Variants in RP1L1 observed in about 807,000 individuals in gnomAD.
RP1L1 encodes retinitis pigmentosa 1-like 1 protein.
Under a neutral mutation model 15.7 loss-of-function variants are expected in RP1L1, and 27 were observed. The observed-to-expected ratio is 1.72, with a 90% confidence interval of 1.27 to 2.38. RP1L1 has a LOEUF of 2.38. RP1L1 is among the 30% of genes most tolerant of loss of function. RP1L1 has a pLI of 0.00. For missense variants in RP1L1, 4,798 were observed against 3,075.9 expected (o/e 1.56, Z -13.24); for synonymous variants, 1,813 against 1,276.7 (o/e 1.42, Z -8.96).
chr8:10,629,000 G>A (rs1798199977), intron 1 of RP1L1, among the ~76,000 whole-genome samples: 1 of 152,250 alleles, frequency 6.6e-6, no homozygotes, highest in Non-Finnish European at 1.5e-5. Flanking sequence ...CAGGAAGTGG[G>A]TCTGGTGCAC....
At position 10,622,815 on chromosome 8, in the gene RP1L1, C is replaced by G. The variant is rs572144035; in HGVS notation, c.387G>C (p.Leu129Phe). Reference protein sequence around the residue: ...PQERNPTAQQLRDVEGQREAP... With the variant: ...PQERNPTAQQFRDVEGQREAP... Reference sequence around the variant, plus strand: ...CTTCACGCTGGCCTTCGACATCCCGCAACTGCTGAGCAGTGGGGTTTCTCT... The same window carrying G: ...CTTCACGCTGGCCTTCGACATCCCGGAACTGCTGAGCAGTGGGGTTTCTCT... The change falls in exon 2 of 4, where the codon TTG becomes TTC. Residue 129 changes from leucine to phenylalanine, a missense_variant. Leu to Phe is a conservative substitution (Grantham distance 22). Transcript: ENST00000382483. 13 of 1,613,696 alleles carry G rather than the reference C, an allele frequency of 8.1e-6. No individual in the cohort carries two copies. In the Admixed American group the frequency reaches 2.2e-4, roughly 27 times the overall value.
At chr8:10,619,314 T>G (rs1371332671) in intron 2 of RP1L1, among the ~76,000 whole-genome samples, 1 of 152,258 alleles carries the variant, frequency 6.6e-6, no homozygotes, top group Middle Eastern at 3.2e-3. Flanking sequence ...ATCTTCCTTT[T>G]GTTCCTGACT....
chr8:10,627,314 G>A (rs1243568022), intron 1 of RP1L1, among the ~76,000 whole-genome samples: 1 of 152,152 alleles, frequency 6.6e-6, no homozygotes, highest in African/African-American at 2.4e-5. Context: ...AAAAAGGTAG[G>A]AAAATCTGGC....
intron 1 of RP1L1, among the ~76,000 whole-genome samples, chr8:10,629,573 G>C (rs1472298756): frequency 6.6e-6 from 1 of 152,130 alleles, no homozygotes; most frequent in Non-Finnish European, 1.5e-5. Flanking sequence ...AAGGCAGCTT[G>C]GGCTACTGTG....
In RP1L1 at chr8:10,611,594, T is replaced by G. The variant is rs907084479; in HGVS notation, c.2504A>C (p.Gln835Pro). 1 of 1,611,718 alleles carries G rather than the reference T, an allele frequency of 6.2e-7. No individual in the cohort carries two copies. The highest frequency in any genetic ancestry group is 8.5e-7 in the Non-Finnish European group (1 of 1,179,348). ...AGGGGAGGGTCCCCGCTGGGCCTCT[T>G]GGGCCGGCTGCGTCCCAGGCTGTGA... ...CCSQPGTQPA[Q>P]EAQRGPSPEA... is the part of the protein sequence containing the mutation. Residue 835 changes from glutamine (Q) to proline (P), a missense_variant, in exon 4 of 4, where the codon CAA (glutamine) becomes CCA (proline). By Grantham distance (76) the Gln-to-Pro change is moderately conservative. Coordinates refer to ENST00000382483, the MANE Select transcript of RP1L1 (RefSeq NM_178857.6).
At chr8:10,633,366 G>C (rs1392731805) in intron 1 of RP1L1, among the ~76,000 whole-genome samples, 1 of 152,148 alleles carries the variant, frequency 6.6e-6, no homozygotes, top group Non-Finnish European at 1.5e-5. Context: ...ACCCAGAAAG[G>C]CCAGACCCTT....
chr8:10,635,673 G>A (rs1246044655), intron 1 of RP1L1, among the ~76,000 whole-genome samples: 1 of 152,222 alleles, frequency 6.6e-6, no homozygotes, highest in Non-Finnish European at 1.5e-5. Context: ...CTTCCCTCGT[G>A]ACACAGAGCT....
intron 1 of RP1L1, among the ~76,000 whole-genome samples, chr8:10,643,416 T>C (rs931806062): frequency 3.3e-5 from 5 of 152,152 alleles, no homozygotes; most frequent in African/African-American, 1.2e-4. Flanking sequence ...TGGTACACAG[T>C]CGGTCTCAGT....
chr8:10,628,616 G>A (rs1292211051), intron 1 of RP1L1, among the ~76,000 whole-genome samples: 2 of 152,084 alleles, frequency 1.3e-5, no homozygotes, highest in South Asian at 4.1e-4. Flanking sequence ...GAGCCCCGGT[G>A]GTATGACTTC....
chr8:10,630,120 C>T (rs549338792), intron 1 of RP1L1, among the ~76,000 whole-genome samples: 3 of 152,340 alleles, frequency 2.0e-5, no homozygotes, highest in South Asian at 4.1e-4. Context: ...TGGGCAAAGG[C>T]CCTCTGTCCC....
Position 10,611,505 on chromosome 8 carries a change from T to A in RP1L1, c.2593A>T (p.Arg865Trp), listed in dbSNP as rs753794124. 6 of 1,576,984 alleles carry A rather than the reference T, an allele frequency of 3.8e-6. No homozygotes were observed. Among genetic ancestry groups the A allele is most frequent in the Non-Finnish European group, 8.6e-7 (1 of 1,163,266 alleles). Reference protein sequence around the residue: ...TPPRGRPCPQRRSSSCGSTGS... With the variant: ...TPPRGRPCPQWRSSSCGSTGS... ...GTGCTCCCACAGCTGGAAGAGCGCC[T>A]CTGGGGGCAGGGCCGCCCCCTGGGC... The change falls in exon 4 of 4, where the codon AGG (arginine) becomes TGG (tryptophan). Residue 865 changes from arginine to tryptophan, a missense_variant. Physicochemically the swap from Arg to Trp is moderately radical, Grantham distance 101. Coordinates refer to ENST00000382483, the MANE Select transcript of RP1L1 (RefSeq NM_178857.6).
At chr8:10,631,226 C>T (rs536021230) in intron 1 of RP1L1, among the ~76,000 whole-genome samples, 380 of 146,660 alleles carry the variant, frequency 2.6e-3, no homozygotes, top group Admixed American at 4.6e-3. Context: ...CACACACAAA[C>T]GCACACACGT....
chr8:10,610,845 T>C lies in RP1L1; in HGVS notation c.3253A>G (p.Ile1085Val), dbSNP rs773915670. 2 of 1,608,268 alleles carry C rather than the reference T, an allele frequency of 1.2e-6. No individual in the cohort carries two copies. Among genetic ancestry groups the C allele is most frequent in the East Asian group, 2.2e-5 (1 of 44,734 alleles). The change falls in exon 4 of 4, where the codon ATC becomes GTC. Residue 1085 changes from isoleucine to valine, a missense_variant. Physicochemically the swap from Ile to Val is conservative, Grantham distance 29 (BLOSUM62 3). Transcript: ENST00000382483. ...TTGGAGCCCATCAGCGCCCTCATGA[T>C]CTGCGTGGAGGCAGACACCCGGCCA... ...LPGRVSASTQ[I>V]MRALMGSKQG...
chr8:10,609,424 G>C lies in RP1L1; in HGVS notation c.4674C>G (p.Ala1558=), dbSNP rs372744963. 6.2e-7 allele frequency: 1 copy of C among 1,612,226 alleles called. No individual in the cohort carries two copies. Among genetic ancestry groups the C allele is most frequent in the South Asian group, 1.1e-5 (1 of 91,052 alleles). Residue 1558 remains alanine, a synonymous_variant, in exon 4 of 4, where the codon GCC becomes GCG. Transcript: ENST00000382483. ...QDNDLLDQMA[A]ELQQDVAQRL... is the part of the protein sequence containing the mutation. ...GTTGGGCCACGTCCTGCTGCAGCTCGGCCGCCATCTGGTCCAGCAGATCAT... is the reference window on the plus strand; with the variant it reads ...GTTGGGCCACGTCCTGCTGCAGCTCCGCCGCCATCTGGTCCAGCAGATCAT...
At chr8:10,628,266 G>A (rs960080927) in intron 1 of RP1L1, among the ~76,000 whole-genome samples, 2 of 152,178 alleles carry the variant, frequency 1.3e-5, no homozygotes, top group African/African-American at 2.4e-5. Context: ...AGGCTGTGCT[G>A]TCCCTCAATC....
chr8:10,617,877 G>C (rs770325635), intron 2 of RP1L1, among the ~76,000 whole-genome samples: 1 of 152,038 alleles, frequency 6.6e-6, no homozygotes. Flanking sequence ...TTTAAATGAC[G>C]AGGTCCATTT....
chr8:10,618,489 A>G (rs192613725), intron 2 of RP1L1, among the ~76,000 whole-genome samples: 91 of 152,324 alleles, frequency 6.0e-4, no homozygotes, highest in African/African-American at 2.0e-3. Flanking sequence ...CCTGGGTGAC[A>G]GAGTGAAACT....
chr8:10,626,015 C>T (rs1301817590), intron 1 of RP1L1, among the ~76,000 whole-genome samples: 3 of 151,776 alleles, frequency 2.0e-5, no homozygotes, highest in African/African-American at 4.8e-5. Context: ...AGGGGGTAGA[C>T]GGAGCAAGGA....
intron 1 of RP1L1, among the ~76,000 whole-genome samples, chr8:10,652,494 G>A (rs749569058): frequency 6.6e-6 from 1 of 152,154 alleles, no homozygotes; most frequent in Non-Finnish European, 1.5e-5. Flanking sequence ...CCTTCCTGCT[G>A]GGTATAACCA....
Sources: gnomAD v4.1 joint callset for allele counts (sites outside exome capture counted in the v4.1 genomes callset) on GRCh38, gnomAD v4.1.1 for gene constraint, MANE v1.5 for transcripts, NCBI Gene and HGNC (gene_info 2026-07-23, HGNC 2026-07-21) for gene names.